The following GDPD5 variants were observed in gnomAD, a reference collection of about 807,000 sequenced individuals.
GDPD5 encodes glycerophosphodiester phosphodiesterase domain containing 5.
GDPD5 carries 48 observed loss-of-function variants against 75.1 expected under a neutral mutation model. The ratio of observed to expected loss-of-function variants is 0.64; its 90% CI spans 0.51 to 0.81. GDPD5 has a LOEUF of 0.81. GDPD5 is among the 40% of genes least tolerant of loss of function. The pLI is 0.00. For synonymous variants in GDPD5, 336 were observed against 339.0 expected, an observed-to-expected ratio of 0.99 and a Z score of 0.10; for missense variants, 706 against 822.6, an observed-to-expected ratio of 0.86 and a Z score of 1.73.
At chr11:75,467,204 G>A (rs7933166) in intron 3 of GDPD5, among the ~76,000 whole-genome samples, 4,098 of 152,332 alleles carry the variant, frequency 0.027, 205 homozygotes, top group African/African-American at 0.093. Context: ...CTGCCACTCA[G>A]CACGTCACTT....
intron 6 of GDPD5, among the ~76,000 whole-genome samples, chr11:75,453,898 T>A (rs1355841469): frequency 1.3e-5 from 2 of 152,166 alleles, no homozygotes; most frequent in East Asian, 3.9e-4. Context: ...AAATTAAATG[T>A]TAAAAACGTG....
At chr11:75,521,288 A>G (rs1204872824) in intron 1 of GDPD5, among the ~76,000 whole-genome samples, 1 of 152,212 alleles carries the variant, frequency 6.6e-6, no homozygotes, top group Non-Finnish European at 1.5e-5. Flanking sequence ...AACCTTGTCC[A>G]GGCTTTTTAC....
intron 3 of GDPD5, among the ~76,000 whole-genome samples, chr11:75,464,642 T>G (rs144690546): frequency 6.6e-6 from 1 of 152,134 alleles, no homozygotes; most frequent in South Asian, 2.1e-4. Flanking sequence ...TAAACAGAGA[T>G]GCAAAGGTGA....
chr11:75,513,091 G>A (rs1365322977), intron 1 of GDPD5, among the ~76,000 whole-genome samples: 1 of 152,160 alleles, frequency 6.6e-6, no homozygotes, highest in East Asian at 1.9e-4. Flanking sequence ...GATAAATGAG[G>A]TATCGGGTCA....
At chr11:75,436,877 G>A in intron 16 of GDPD5, 59 bp downstream of exon 16, 1 of 1,254,814 alleles carries the variant, frequency 8.0e-7, no homozygotes. Flanking sequence ...CTGTTTGCAT[G>A]TGGGGGTGCA....
rs566702719 is a variant in GDPD5 at position 75,448,566 on chromosome 11, C to T, written c.714+411G>A. 9.1e-6 allele frequency: 9 copies of T among 993,620 alleles called. No homozygotes were observed. The South Asian group carries it at 4.2e-4, about 46-fold the overall frequency. 61.6% of individuals were successfully genotyped at this position (993,620 alleles called of 1,614,324 possible). A position where few individuals can be genotyped will look rare whatever the true frequency, so the allele number is the denominator to read the frequency against. ...CTGACTTTGATCCCTTCGTCTTTCT[C>T]CAACTCACGTCGGTTCAGCCGTACT... On this transcript the variant is annotated intron_variant, in intron 9 of 16. Transcript: ENST00000336898.
In GDPD5 at chr11:75,442,345, T is replaced by C; in HGVS notation, c.1167+18A>G. The C allele has an allele frequency of 6.5e-7, 1 of 1,533,756 alleles. No individual in the cohort carries two copies. Among genetic ancestry groups the C allele is most frequent in the Admixed American group, 2.0e-5 (1 of 50,806 alleles). ...AGGCCAGGGCTCCCGGGGGCAGAGC[T>C]GCGTTGCAGGGCCTCACCTGGTGCT... On this transcript the variant is annotated intron_variant, in intron 12 of 16. Coordinates refer to ENST00000336898, the MANE Select transcript of GDPD5 (RefSeq NM_030792.8).
chr11:75,470,609 T>C (rs900072478), intron 3 of GDPD5, among the ~76,000 whole-genome samples: 1 of 152,222 alleles, frequency 6.6e-6, no homozygotes, highest in Admixed American at 6.5e-5. Flanking sequence ...CTCTAAAGCA[T>C]GAAGACTAGA....
Position 75,442,517 on chromosome 11 carries a change from G to T in GDPD5, c.1013C>A (p.Ser338Tyr), listed in dbSNP as rs1282170262. The part of the protein sequence containing the change: ...PSDHREAQNQ[S>Y]ICSLAELLEL... ...CAGGAGCTCTGCCAGGCTGCAGATG[G>T]ACTGGTTCTGGGCCTCTCTGTGGTC... The change falls in exon 12 of 17, where the codon TCC becomes TAC. Residue 338 changes from serine to tyrosine, a missense_variant. Transcript: ENST00000336898. The T allele has an allele frequency of 6.2e-7, 1 of 1,614,154 alleles. No individual in the cohort carries two copies. Among genetic ancestry groups the T allele is most frequent in the Non-Finnish European group, 8.5e-7 (1 of 1,180,030 alleles).
chr11:75,504,897 G>A (rs1424861814), intron 1 of GDPD5, among the ~76,000 whole-genome samples: 1 of 152,192 alleles, frequency 6.6e-6, no homozygotes, highest in Non-Finnish European at 1.5e-5. Context: ...GGAGGCCGAG[G>A]CAGGCGGATC....
chr11:75,463,119 TC>T (rs904211253), intron 3 of GDPD5, among the ~76,000 whole-genome samples: 14 of 152,194 alleles, frequency 9.2e-5, no homozygotes, highest in South Asian at 8.3e-4. Context: ...AGTCAGGGCC[TC>T]CCCCCCTGGG....
chr11:75,488,054 G>C (rs1193649567), intron 2 of GDPD5, among the ~76,000 whole-genome samples: 1 of 152,112 alleles, frequency 6.6e-6, no homozygotes, highest in Non-Finnish European at 1.5e-5. Context: ...GAAATCCCCT[G>C]TGCTGCTCTT....
intron 1 of GDPD5, among the ~76,000 whole-genome samples, chr11:75,515,658 G>C (rs1160374563): frequency 6.6e-6 from 1 of 152,198 alleles, no homozygotes; most frequent in Non-Finnish European, 1.5e-5. Flanking sequence ...GTGTGAAGTG[G>C]CCACATCATG....
At chr11:75,455,465 T>C (rs56010007) in intron 6 of GDPD5, 27,792 of 430,414 alleles carry the variant, frequency 0.065, 1,158 homozygotes, top group East Asian at 0.13. Context: ...TCCAGGCCCA[T>C]GTAACAAACC....
chr11:75,493,229 T>TCACACACACACACACACACA, intron 1 of GDPD5, among the ~76,000 whole-genome samples: 1 of 141,006 alleles, frequency 7.1e-6, no homozygotes, highest in Non-Finnish European at 1.5e-5. Context: ...CCCACACATC[T>TCACACACACACACACACACA]CACACACACA....
At chr11:75,488,576 C>T (rs1950055889) in intron 2 of GDPD5, among the ~76,000 whole-genome samples, 1 of 152,134 alleles carries the variant, frequency 6.6e-6, no homozygotes, top group Admixed American at 6.5e-5. Context: ...ACCACCTACC[C>T]AGCTTTCCCA....
At chr11:75,514,439 G>C (rs141397072) in intron 1 of GDPD5, among the ~76,000 whole-genome samples, 71 of 152,394 alleles carry the variant, frequency 4.7e-4, no homozygotes, top group African/African-American at 1.6e-3. Context: ...GTGAGACGGA[G>C]GTGCCAGGAC....
chr11:75,493,115 C>G (rs1223123109), intron 1 of GDPD5, among the ~76,000 whole-genome samples: 1 of 152,134 alleles, frequency 6.6e-6, no homozygotes, highest in Non-Finnish European at 1.5e-5. Flanking sequence ...ACTCTAGCTA[C>G]AGTGTAAGAT....
intron 2 of GDPD5, among the ~76,000 whole-genome samples, chr11:75,479,742 C>T (rs1949863812): frequency 1.3e-5 from 2 of 152,246 alleles, no homozygotes; most frequent in African/African-American, 2.4e-5. Context: ...GGCAACTGCT[C>T]ATCCACTTTC....
Sources: gnomAD v4.1 joint callset for allele counts (sites outside exome capture counted in the v4.1 genomes callset) on GRCh38, gnomAD v4.1.1 for gene constraint, MANE v1.5 for transcripts, NCBI Gene and HGNC (gene_info 2026-07-23, HGNC 2026-07-21) for gene names.